CANX: variants seen among roughly 807,000 people sequenced by gnomAD.
CANX encodes the protein calnexin.
Under a neutral mutation model 75.7 loss-of-function variants are expected in CANX, and 14 were observed. The observed-to-expected ratio is 0.19, with a 90% CI of 0.12 to 0.29. The LOEUF (loss-of-function observed/expected upper bound fraction) is 0.29. CANX is among the 10% of genes least tolerant of loss of function. The probability of loss-of-function intolerance (pLI) is 1.00; values close to 1 mark genes in which losing one functional copy is unlikely to be tolerated. For missense variants in CANX, 567 were observed against 713.2 expected (o/e 0.79, Z 2.34); for synonymous variants, 227 against 236.9 (o/e 0.96, Z 0.38).
chr5:179,698,604 G>C, upstream of CANX: 4 of 1,288,364 alleles, frequency 3.1e-6, no homozygotes, highest in Non-Finnish European at 4.0e-6. Context: ...AACCAGACGG[G>C]TGAGGGCTAC....
intron 7 of CANX, among the ~76,000 whole-genome samples, chr5:179,714,794 G>A (rs1562493236): frequency 6.6e-6 from 1 of 152,176 alleles, no homozygotes; most frequent in East Asian, 1.9e-4. Flanking sequence ...TGGGATTACA[G>A]GCGTGAGCCA....
intron 8 of CANX, among the ~76,000 whole-genome samples, chr5:179,718,185 T>C (rs888981376): frequency 6.6e-6 from 1 of 152,000 alleles, no homozygotes; most frequent in African/African-American, 2.4e-5. Flanking sequence ...GGGTTTTTTG[T>C]TTGTTTGTTG....
At chr5:179,715,894 C>A in intron 7 of CANX, 5 of 590,200 alleles carry the variant, frequency 8.5e-6, no homozygotes, top group East Asian at 3.5e-5. Context: ...TGCTGTAATT[C>A]TTAGAAAGCC....
chr5:179,681,106 C>A, intron 1 of CANX: 2 of 582,986 alleles, frequency 3.4e-6, no homozygotes, highest in Non-Finnish European at 6.2e-6. Context: ...CAGGCCACCC[C>A]AGGACAAGAA....
chr5:179,719,629 C>A (rs1388874055), intron 8 of CANX, 39 bp from the exon 9 acceptor site: 1 of 1,133,092 alleles, frequency 8.8e-7, no homozygotes, highest in Non-Finnish European at 1.3e-6. Flanking sequence ...TATACTGTGA[C>A]CAGTGTTGTC....
chr5:179,696,424 C>T (rs1046737031), upstream of CANX, among the ~76,000 whole-genome samples: 5 of 151,792 alleles, frequency 3.3e-5, no homozygotes, highest in Non-Finnish European at 7.4e-5. Context: ...TATAGGTGTG[C>T]ACCAGTATGC....
Position 179,709,881 on chromosome 5 carries a change from C to A in CANX, c.537C>A (p.Phe179Leu). 6.3e-7 allele frequency: 1 copy of A among 1,586,854 alleles called. No homozygotes were observed. The highest frequency in any genetic ancestry group is 1.9e-5 in the Admixed American group (1 of 52,676). Residue 179 changes from phenylalanine to leucine, a missense_variant, in exon 7 of 15, where the codon TTC becomes TTA. Transcript: ENST00000247461. ...SKTPELNLDQ[F>L]HDKTPYTIMF... ...CTTTTTTGTTTTTGAAGGATCAGTT[C>A]CATGACAAGACCCCTTATACGATTA...
chr5:179,698,866 G>C (rs536615868), upstream of CANX: 3 of 1,090,132 alleles, frequency 2.8e-6, no homozygotes, highest in South Asian at 3.3e-5. Flanking sequence ...CGGATGTCGG[G>C]GCTTGCGCGG....
Position 179,699,013 on chromosome 5 carries a change from C to A in CANX, c.-93C>A, listed in dbSNP as rs753364875. On this transcript the variant is annotated 5_prime_UTR_variant, in exon 1 of 15. Transcript: ENST00000247461. The stretch of plus-strand genomic sequence containing the variant: ...GTTCTGCGGCACGTGACGGTCGGGC[C>A]GCCTCCGCCTCTCTCTTTACTGCGG... 24 of 1,113,340 alleles carry A rather than the reference C, an allele frequency of 2.2e-5. No individual in the cohort carries two copies. Among genetic ancestry groups the A allele is most frequent in the African/African-American group, 3.5e-5 (2 of 57,894 alleles). 69.0% of individuals were successfully genotyped at this position (1,113,340 alleles called of 1,614,324 possible). A position where few individuals can be genotyped will look rare whatever the true frequency, so the allele number is the denominator to read the frequency against.
chr5:179,690,752 G>T (rs188205783), intron 1 of CANX, among the ~76,000 whole-genome samples: 1 of 151,208 alleles, frequency 6.6e-6, no homozygotes, highest in Non-Finnish European at 1.5e-5. Flanking sequence ...AGCCGGGCGC[G>T]GTGGCATGCG....
At chr5:179,700,987 C>T (rs1776709843) in intron 1 of CANX, 1 of 152,128 alleles carries the variant, frequency 6.6e-6, no homozygotes, top group African/African-American at 2.4e-5. Context: ...CTCAGCCTCC[C>T]TTGTAGCTGG....
At chr5:179,705,346 T>G (rs1777055632) in intron 1 of CANX, among the ~76,000 whole-genome samples, 2 of 152,218 alleles carry the variant, frequency 1.3e-5, no homozygotes, top group Non-Finnish European at 2.9e-5. Context: ...ATGAAAGGGC[T>G]TTTGTCTGTT....
intron 8 of CANX, among the ~76,000 whole-genome samples, chr5:179,718,490 T>A (rs2113231405): frequency 6.6e-6 from 1 of 152,308 alleles, no homozygotes; most frequent in African/African-American, 2.4e-5. Context: ...CCCAAAGTGC[T>A]GGGATTACAG....
intron 1 of CANX, among the ~76,000 whole-genome samples, chr5:179,691,631 G>A (rs1020421876): frequency 6.6e-6 from 1 of 152,114 alleles, no homozygotes; most frequent in Non-Finnish European, 1.5e-5. Context: ...TGGAAGACAG[G>A]AAGAGCCACT....
At chr5:179,705,601 A>C in intron 1 of CANX, 78 bp from the exon 2 acceptor site, 1 of 1,018,556 alleles carries the variant, frequency 9.8e-7, no homozygotes, top group Non-Finnish European at 1.5e-6. Flanking sequence ...TTTAATTTTA[A>C]ATGAGAGAGT....
chr5:179,716,312 G>A lies in CANX; in HGVS notation c.911+18G>A, dbSNP rs1217425989. The stretch of plus-strand genomic sequence containing the variant: ...GATGACTGGTGAGTCTTGGGGAACT[G>A]TCTTCAAGTGTAAGGGAGCATTTCA... On this transcript the variant is annotated intron_variant, in intron 8 of 14. Transcript: ENST00000247461. 1.3e-6 allele frequency: 2 copies of A among 1,590,944 alleles called. No homozygotes were observed. Among genetic ancestry groups the A allele is most frequent in the East Asian group, 4.5e-5 (2 of 44,786 alleles).
At chr5:179,702,219 T>C (rs1430765989) in intron 1 of CANX, among the ~76,000 whole-genome samples, 1 of 151,704 alleles carries the variant, frequency 6.6e-6, no homozygotes, top group African/African-American at 2.4e-5. Context: ...AATTTTTTTT[T>C]TTTTCCTAAT....
upstream of CANX, chr5:179,698,914 G>A (rs1011873470): frequency 1.7e-6 from 2 of 1,157,464 alleles, no homozygotes; most frequent in South Asian, 1.6e-5. Flanking sequence ...CTACTCAGGG[G>A]CCAGGGGCGG....
rs1215986273 is a variant in CANX at position 179,709,877 on chromosome 5, A to G, written c.533A>G (p.Gln178Arg). Residue 178 changes from glutamine to arginine, a missense_variant, in exon 7 of 15, where the codon CAG becomes CGG. By Grantham distance (43) the Gln-to-Arg change is conservative. Transcript: ENST00000247461. ...LSKTPELNLD[Q>R]FHDKTPYTIM... ...AATCCTTTTTTGTTTTTGAAGGATC[A>G]GTTCCATGACAAGACCCCTTATACG... 2.5e-6 allele frequency: 4 copies of G among 1,577,158 alleles called. No individual in the cohort carries two copies. The highest frequency in any genetic ancestry group is 2.0e-5 in the Admixed American group (1 of 50,302).
Sources: gnomAD v4.1 joint callset for allele counts (sites outside exome capture counted in the v4.1 genomes callset) on GRCh38, gnomAD v4.1.1 for gene constraint, MANE v1.5 for transcripts, NCBI Gene and HGNC (gene_info 2026-07-23, HGNC 2026-07-21) for gene names.